Variants in SBF2 observed in about 807,000 individuals in gnomAD.
SBF2 encodes the protein SET binding factor 2, also known as myotubularin-related protein 13.
Under a neutral mutation model 225.2 loss-of-function variants are expected in SBF2, and 112 were observed. That is an observed-to-expected ratio of 0.50 (90% confidence interval 0.43 to 0.58). The LOEUF (loss-of-function observed/expected upper bound fraction) is 0.58. SBF2 is among the 20% of genes least tolerant of loss of function. SBF2 has a pLI of 0.00. For synonymous variants in SBF2, 763 were observed against 773.3 expected, an observed-to-expected ratio of 0.99 and a Z score of 0.22; for missense variants, 1,996 against 2,206.2, an observed-to-expected ratio of 0.90 and a Z score of 1.91.
At chr11:10,018,909 T>C (rs896653768) in intron 6 of SBF2, among the ~76,000 whole-genome samples, 3 of 152,218 alleles carry the variant, frequency 2.0e-5, no homozygotes, top group African/African-American at 7.2e-5. Context: ...CATCTTACTA[T>C]TCCATGAGGG....
At chr11:10,217,765 G>A (rs1958182921) in intron 1 of SBF2, among the ~76,000 whole-genome samples, 1 of 152,054 alleles carries the variant, frequency 6.6e-6, no homozygotes, top group South Asian at 2.1e-4. Context: ...GTACTAGTCT[G>A]TTCTCACCCT....
At position 9,858,361 on chromosome 11, in the gene SBF2, C is replaced by T. The variant is rs143732754; in HGVS notation, c.1965G>A (p.Thr655=). The T allele has an allele frequency of 2.0e-4, 316 of 1,614,158 alleles. 1 individual carries two copies. The highest frequency in any genetic ancestry group is 1.2e-3 in the Middle Eastern group (7 of 6,062). ...TCCAAATGGGGTGGTCTTGTACACA[C>T]GTGTAAGCAAACTGGCTGACTCCAG... ...LAPGVSQFAY[T]CVQDHPIWTN... is the part of the protein sequence containing the mutation. The change falls in exon 18 of 40, where the codon ACG becomes ACA. Residue 655 remains threonine, a synonymous_variant. Coordinates refer to ENST00000256190, the MANE Select transcript of SBF2 (RefSeq NM_030962.4).
chr11:10,160,448 A>G (rs990165465), intron 2 of SBF2, among the ~76,000 whole-genome samples: 1 of 152,170 alleles, frequency 6.6e-6, no homozygotes, highest in Admixed American at 6.5e-5. Context: ...GAGAAGAGGC[A>G]AAGAGAGGAA....
rs561883617 is a variant in SBF2, at chr11:10,060,692, T to C, written c.142-17711A>G. Among the ~76,000 whole-genome samples the C allele has an allele frequency of 3.3e-5, 5 of 152,192 alleles. No individual in the cohort carries two copies. In the East Asian group the frequency reaches 5.8e-4, roughly 18 times the overall value. ...AAAAAGCTAACCCACCATGACCAAG[T>C]AGGCTTCATCCCTGGGATGCAAAGT... is the stretch of plus-strand genomic sequence containing the variant. On this transcript the variant is annotated intron_variant, in intron 2 of 39. Coordinates refer to ENST00000256190, the MANE Select transcript of SBF2 (RefSeq NM_030962.4).
chr11:9,934,771 A>T (rs1377511748), intron 16 of SBF2, among the ~76,000 whole-genome samples: 2 of 152,010 alleles, frequency 1.3e-5, no homozygotes, highest in Non-Finnish European at 2.9e-5. Context: ...CATGCTAAAA[A>T]CTCTCGATAA....
intron 16 of SBF2, among the ~76,000 whole-genome samples, chr11:9,931,965 C>G (rs559029818): frequency 1.3e-5 from 2 of 152,158 alleles, no homozygotes; most frequent in East Asian, 3.9e-4. Context: ...AACCATGGCA[C>G]GAGAACTTCG....
intron 17 of SBF2, among the ~76,000 whole-genome samples, chr11:9,873,338 T>A (rs1287755371): frequency 6.6e-6 from 1 of 152,116 alleles, no homozygotes; most frequent in Non-Finnish European, 1.5e-5. Flanking sequence ...TTATAGTCAT[T>A]CACCACAGTC....
At chr11:9,886,920 C>A (rs1221283329) in intron 17 of SBF2, among the ~76,000 whole-genome samples, 1 of 152,084 alleles carries the variant, frequency 6.6e-6, no homozygotes, top group Non-Finnish European at 1.5e-5. Context: ...ACTAATCTAT[C>A]TTCTCTGTAA....
chr11:10,169,543 G>A (rs1956106144), intron 2 of SBF2, among the ~76,000 whole-genome samples: 1 of 152,082 alleles, frequency 6.6e-6, no homozygotes, highest in South Asian at 2.1e-4. Flanking sequence ...ATACTCCATT[G>A]TGTATATTGT....
chr11:9,997,081 A>T (rs944800455), intron 9 of SBF2, among the ~76,000 whole-genome samples: 2 of 152,222 alleles, frequency 1.3e-5, no homozygotes, highest in African/African-American at 2.4e-5. Flanking sequence ...TTTCATAGAT[A>T]CCACCATGAT....
chr11:9,790,397 C>A (rs1245159139), intron 34 of SBF2, among the ~76,000 whole-genome samples, 159 bp downstream of exon 34: 1 of 152,198 alleles, frequency 6.6e-6, no homozygotes, highest in Non-Finnish European at 1.5e-5. Flanking sequence ...ATTTGTGTCA[C>A]AACCCAAACC....
At chr11:9,815,254 G>A (rs374210761) in intron 29 of SBF2, among the ~76,000 whole-genome samples, 4 of 135,124 alleles carry the variant, frequency 3.0e-5, no homozygotes, top group East Asian at 4.2e-4. Flanking sequence ...CATGGCCAAC[G>A]TGGTGAAACC....
At position 10,005,016 on chromosome 11, in the gene SBF2, C is replaced by A. The variant is rs193173744; in HGVS notation, c.620-2327G>T. Reference sequence around the variant, plus strand: ...AGAGGATCCCCCACCCCCATGCCACCACCAGGAATGTCAGGCAACCATCAG... The same window carrying A: ...AGAGGATCCCCCACCCCCATGCCACAACCAGGAATGTCAGGCAACCATCAG... On this transcript the variant is annotated intron_variant, in intron 6 of 39. Coordinates refer to ENST00000256190, the MANE Select transcript of SBF2 (RefSeq NM_030962.4). 3.9e-5 allele frequency among the ~76,000 whole-genome samples: 6 copies of A among 152,232 alleles called. No individual in the cohort carries two copies. In the East Asian group the frequency reaches 1.2e-3, roughly 29 times the overall value.
upstream of SBF2, among the ~76,000 whole-genome samples, chr11:10,296,122 T>C (rs1289724265): frequency 1.3e-5 from 2 of 152,216 alleles, no homozygotes; most frequent in African/African-American, 2.4e-5. Context: ...ATATTTCATA[T>C]TCATATCATA....
intron 16 of SBF2, among the ~76,000 whole-genome samples, chr11:9,905,137 T>C (rs967345324): frequency 1.3e-5 from 2 of 152,226 alleles, no homozygotes; most frequent in African/African-American, 4.8e-5. Flanking sequence ...GCATGTAAAA[T>C]ACTTAAAATT....
intron 2 of SBF2, among the ~76,000 whole-genome samples, chr11:10,051,955 T>A (rs188915929): frequency 1.3e-5 from 2 of 152,228 alleles, no homozygotes; most frequent in Admixed American, 1.3e-4. Context: ...TAACTAAAAA[T>A]GTGTTAGAGA....
At chr11:9,899,110 G>C (rs1020352163) in intron 16 of SBF2, among the ~76,000 whole-genome samples, 1 of 151,750 alleles carries the variant, frequency 6.6e-6, no homozygotes, top group South Asian at 2.1e-4. Context: ...GAGGTCACTG[G>C]TGATTTCTGA....
chr11:9,940,676 T>C (rs922323285), intron 16 of SBF2, among the ~76,000 whole-genome samples: 1 of 152,162 alleles, frequency 6.6e-6, no homozygotes, highest in African/African-American at 2.4e-5. Context: ...AGCTGTCAGG[T>C]ATTTGGTTTG....
intron 2 of SBF2, among the ~76,000 whole-genome samples, chr11:10,112,586 A>T (rs1414036366): frequency 6.6e-6 from 1 of 152,222 alleles, no homozygotes; most frequent in Non-Finnish European, 1.5e-5. Context: ...GGACTAATAC[A>T]CTACCAGACA....
Sources: allele counts gnomAD v4.1 joint callset (sites outside exome capture counted in the v4.1 genomes callset), GRCh38; gene constraint gnomAD v4.1.1; transcripts MANE v1.5; gene names NCBI Gene and HGNC (gene_info 2026-07-23, HGNC 2026-07-21).